Variants in MFSD11 observed in about 807,000 individuals in gnomAD.
MFSD11 encodes the protein UNC93-like protein MFSD11.
A neutral mutation model predicts 53.5 loss-of-function variants in MFSD11; 36 were observed. The ratio of observed to expected loss-of-function variants is 0.67; its 90% CI spans 0.52 to 0.89. MFSD11 has a LOEUF of 0.89. MFSD11 is among the 40% of genes least tolerant of loss of function. The pLI is 0.00. For missense variants in MFSD11, 530 were observed against 543.9 expected, an observed-to-expected ratio of 0.97 and a Z score of 0.25; for synonymous variants, 186 against 184.9, an observed-to-expected ratio of 1.01 and a Z score of -0.05.
intron 10 of MFSD11, among the ~76,000 whole-genome samples, chr17:76,770,704 TCA>T (rs747214572): frequency 6.6e-6 from 1 of 152,154 alleles, no homozygotes; most frequent in Non-Finnish European, 1.5e-5. Context: ...CTAGAGCAAC[TCA>T]CAGAACTCAG....
upstream of MFSD11, chr17:76,737,167 G>A (rs776547803): frequency 9.6e-6 from 15 of 1,555,450 alleles, no homozygotes; most frequent in Admixed American, 5.5e-5. Context: ...TCATAGCTCT[G>A]AGTGGCGGCC....
At chr17:76,793,263 C>T in the MFSD11 span, among the ~76,000 whole-genome samples, 382 of 151,414 alleles carry the variant, frequency 2.5e-3, 23 homozygotes, top group African/African-American at 8.7e-3. Flanking sequence ...CCTACAGTTT[C>T]GACCATAGAA....
At chr17:76,768,001 T>C (rs1403687978) in intron 9 of MFSD11, among the ~76,000 whole-genome samples, 1 of 152,178 alleles carries the variant, frequency 6.6e-6, no homozygotes, top group African/African-American at 2.4e-5. Context: ...TGTAACTTTA[T>C]ATGGATTAAA....
chr17:76,741,190 T>C, intron 3 of MFSD11, 126 bp downstream of exon 3: 1 of 670,112 alleles, frequency 1.5e-6, no homozygotes, highest in Non-Finnish European at 2.6e-6. Flanking sequence ...TTACGAATTT[T>C]GGCTCAGTAC....
intron 7 of MFSD11, among the ~76,000 whole-genome samples, chr17:76,751,506 C>A (rs1247594798): frequency 6.6e-6 from 1 of 151,670 alleles, no homozygotes; most frequent in African/African-American, 2.4e-5. Flanking sequence ...AGCCTGGCAA[C>A]CTTGTGGAAT....
At chr17:76,743,486 A>G (rs770852143) in intron 6 of MFSD11, 30 bp downstream of exon 6, 2 of 1,448,668 alleles carry the variant, frequency 1.4e-6, no homozygotes, top group Admixed American at 4.2e-5. Flanking sequence ...CTTTATTCAG[A>G]TATGTTCAAA....
At chr17:76,780,825 T>C (rs1218083839), downstream of MFSD11, among the ~76,000 whole-genome samples, 1 of 152,208 alleles carries the variant, frequency 6.6e-6, no homozygotes, top group Non-Finnish European at 1.5e-5. Flanking sequence ...CTCCAGATTT[T>C]GAAGTTCTGG....
downstream of MFSD11, among the ~76,000 whole-genome samples, chr17:76,782,474 C>CTTTTTTTTT (rs33999736): frequency 5.3e-5 from 4 of 76,172 alleles, no homozygotes; most frequent in South Asian, 6.3e-4. Flanking sequence ...CGCGCCCAGG[C>CTTTTTTTTT]TTTTTTTTTT....
chr17:76,780,580 A>G (rs560730602), downstream of MFSD11, among the ~76,000 whole-genome samples: 1 of 151,826 alleles, frequency 6.6e-6, no homozygotes, highest in African/African-American at 2.4e-5. Context: ...CAGTGGCGCA[A>G]TCTTGGCTCA....
intron 8 of MFSD11, among the ~76,000 whole-genome samples, chr17:76,758,252 G>T (rs970179849): frequency 6.6e-6 from 1 of 152,070 alleles, no homozygotes; most frequent in Admixed American, 6.6e-5. Flanking sequence ...AAAACTTTTA[G>T]TAGATTAAAG....
rs752123039 is a variant in MFSD11, at chr17:76,744,317, C to T, written c.497-5C>T. The T allele has an allele frequency of 3.2e-5, 52 of 1,604,250 alleles. No homozygotes were observed. The African/African-American group carries it at 3.8e-4, about 12-fold the overall frequency. ...ACTATCTTGTTTCTTCTTTTTTCTCCGTAGAGAGTGACCGAAGAACAGTGT... is the reference window on the plus strand; with the variant it reads ...ACTATCTTGTTTCTTCTTTTTTCTCTGTAGAGAGTGACCGAAGAACAGTGT... On this transcript the variant is annotated splice_region_variant and splice_polypyrimidine_tract_variant and intron_variant, in intron 6 of 12. Transcript: ENST00000685175.
chr17:76,737,394 C>A (rs940594094), upstream of MFSD11: 17 of 507,542 alleles, frequency 3.3e-5, no homozygotes, highest in Non-Finnish European at 4.7e-5. Context: ...CCCGCGCCAC[C>A]CGGAAATGAA....
At chr17:76,773,972 C>G (rs1181798038) in intron 10 of MFSD11, among the ~76,000 whole-genome samples, 1 of 151,720 alleles carries the variant, frequency 6.6e-6, no homozygotes, top group African/African-American at 2.4e-5. Flanking sequence ...GTCACCCGTG[C>G]TGGAGTGCAA....
chr17:76,760,525 TTC>T (rs1290628621), intron 8 of MFSD11, among the ~76,000 whole-genome samples: 1 of 146,862 alleles, frequency 6.8e-6, no homozygotes, highest in Non-Finnish European at 1.5e-5. Context: ...GCAGTTTTCT[TTC>T]TTTTTTTTTT....
the MFSD11 span, among the ~76,000 whole-genome samples, chr17:76,792,319 A>G: frequency 6.6e-6 from 1 of 151,030 alleles, no homozygotes; most frequent in Non-Finnish European, 1.5e-5. Flanking sequence ...GGGTTTCACT[A>G]TGTTGTCCAG....
the MFSD11 span, among the ~76,000 whole-genome samples, chr17:76,788,781 A>T: frequency 1.4e-5 from 2 of 147,678 alleles, no homozygotes. Context: ...TGAACCTGGG[A>T]GAAGGATTGC....
In MFSD11 at chr17:76,778,336, A is replaced by G; in HGVS notation, c.1334A>G (p.Asp445Gly). The G allele has an allele frequency of 1.2e-6, 2 of 1,614,178 alleles. No individual in the cohort carries two copies. Among genetic ancestry groups the G allele is most frequent in the East Asian group, 2.2e-5 (1 of 44,882 alleles). Reference sequence around the variant, plus strand: ...GCCGCCTTTGTAGCCCGCGGCTCTGACTACCGAAGTATCTGATCTGGTGTC... The same window carrying G: ...GCCGCCTTTGTAGCCCGCGGCTCTGGCTACCGAAGTATCTGATCTGGTGTC... ...EAAAFVARGS[D>G]YRSI Residue 445 changes from aspartate to glycine, a missense_variant, in exon 13 of 13, where the codon GAC (aspartate) becomes GGC (glycine). Physicochemically the swap from Asp to Gly is moderately conservative, Grantham distance 94 (BLOSUM62 -1). Coordinates refer to ENST00000685175, the MANE Select transcript of MFSD11 (RefSeq NM_001242532.5).
chr17:76,742,809 A>G (rs779181356), intron 5 of MFSD11, among the ~76,000 whole-genome samples: 2 of 152,076 alleles, frequency 1.3e-5, no homozygotes, highest in Non-Finnish European at 2.9e-5. Context: ...TGGCCTTAAC[A>G]TTTTTCTTAA....
chr17:76,783,809 C>G (rs7224318), downstream of MFSD11, among the ~76,000 whole-genome samples: 1,307 of 152,228 alleles, frequency 8.6e-3, 13 homozygotes, highest in African/African-American at 0.03. Flanking sequence ...GGTGATCTGC[C>G]TGCCTTGGCC....
Sources: gnomAD v4.1 joint callset for allele counts (sites outside exome capture counted in the v4.1 genomes callset) on GRCh38, gnomAD v4.1.1 for gene constraint, MANE v1.5 for transcripts, NCBI Gene and HGNC (gene_info 2026-07-23, HGNC 2026-07-21) for gene names.